The following LITAF variants were observed in gnomAD, a reference collection of about 807,000 sequenced individuals.
LITAF encodes lipopolysaccharide-induced tumor necrosis factor-alpha factor.
In LITAF, 9 loss-of-function variants were observed where a neutral mutation model predicts 14.5. The observed-to-expected ratio is 0.62, with a 90% CI of 0.37 to 1.08. LITAF has a LOEUF of 1.08. LITAF is among the 50% of genes least tolerant of loss of function. The probability of loss-of-function intolerance (pLI) is 0.01; values close to 1 mark genes in which losing one functional copy is unlikely to be tolerated. For synonymous variants in LITAF, 98 were observed against 88.2 expected (o/e 1.11, Z -0.62); for missense variants, 206 against 213.4 (o/e 0.97, Z 0.22).
upstream of LITAF, among the ~76,000 whole-genome samples, chr16:11,636,868 A>C (rs1000295549): frequency 1.4e-5 from 2 of 147,972 alleles, no homozygotes; most frequent in East Asian, 3.9e-4. Context: ...TAAATAATTT[A>C]TTTTTCTTTT....
chr16:11,610,042 T>A (rs1260971394), intron 3 of LITAF, among the ~76,000 whole-genome samples: 1 of 152,092 alleles, frequency 6.6e-6, no homozygotes, highest in Non-Finnish European at 1.5e-5. Flanking sequence ...CCTTCAATCC[T>A]CCCCACCCTA....
At chr16:11,571,695 T>C (rs1394798167) in intron 1 of LITAF, among the ~76,000 whole-genome samples, 3 of 152,130 alleles carry the variant, frequency 2.0e-5, no homozygotes, top group Non-Finnish European at 4.4e-5. Flanking sequence ...AATGTGGCCA[T>C]CTCTAGGTGG....
Position 11,553,163 on chromosome 16 carries a change from A to C in LITAF, c.377+370T>G, listed in dbSNP as rs2064207560. Among the ~76,000 whole-genome samples the C allele has an allele frequency of 6.6e-6, 1 of 151,912 alleles. No individual in the cohort carries two copies. The highest frequency in any genetic ancestry group is 2.4e-5 in the African/African-American group (1 of 41,324). ...GCCAGGCACAGTGGCTCACACCTGT[A>C]ACCCCAGCAGTTTGGGAGGCCAAGG... On this transcript the variant is annotated intron_variant, in intron 3 of 3. Transcript: ENST00000622633. The surrounding 1 kb of genome is among the most constrained non-coding windows in gnomAD (Gnocchi z 7.7).
chr16:11,571,775 C>A (rs1243135094), intron 1 of LITAF, among the ~76,000 whole-genome samples: 2 of 152,174 alleles, frequency 1.3e-5, no homozygotes, highest in Non-Finnish European at 2.9e-5. Context: ...CACGCCCTCT[C>A]GGCTGGCTCT....
chr16:11,595,325 T>C, intron 1 of LITAF, among the ~76,000 whole-genome samples: 1 of 152,328 alleles, frequency 6.6e-6, no homozygotes, highest in Non-Finnish European at 1.5e-5. Flanking sequence ...GGCCTGGCCC[T>C]GACCCTGGCC....
At chr16:11,633,571 C>T (rs1038769490) in exon 3 of LITAF, 1 of 152,160 alleles carries the variant, frequency 6.6e-6, no homozygotes, top group Non-Finnish European at 1.5e-5. Flanking sequence ...TCTGGTCTTC[C>T]TCACTGCTAC....
intron 3 of LITAF, among the ~76,000 whole-genome samples, chr16:11,609,390 T>C (rs1310075185): frequency 6.6e-6 from 1 of 151,890 alleles, no homozygotes; most frequent in Non-Finnish European, 1.5e-5. Flanking sequence ...TTTTTTGTAT[T>C]TTTAGTAGAG....
intron 2 of LITAF, among the ~76,000 whole-genome samples, chr16:11,635,021 G>A (rs180944214): frequency 6.0e-5 from 9 of 151,124 alleles, no homozygotes; most frequent in African/African-American, 1.9e-4. Context: ...GCATCACAGT[G>A]AGACTCCATC....
intron 1 of LITAF, among the ~76,000 whole-genome samples, chr16:11,578,715 C>T (rs982487305): frequency 6.6e-6 from 1 of 152,220 alleles, no homozygotes; most frequent in Non-Finnish European, 1.5e-5. Flanking sequence ...ACTTCACCTC[C>T]GTGGTCTTCT....
Position 11,547,983 on chromosome 16 carries a change from G to T in LITAF, c.*1654C>A, listed in dbSNP as rs1235530243. 4.4e-6 allele frequency: 2 copies of T among 453,954 alleles called. No individual in the cohort carries two copies. Among genetic ancestry groups the T allele is most frequent in the African/African-American group, 4.0e-5 (2 of 49,998 alleles). The allele number at this position is 453,954 out of a possible 1,614,324, so 28.1% of individuals were successfully genotyped here. On this transcript the variant is annotated 3_prime_UTR_variant, in exon 4 of 4. Coordinates refer to ENST00000622633, the MANE Select transcript of LITAF (RefSeq NM_001136472.2). The stretch of plus-strand genomic sequence containing the variant: ...CATGAGCCCTTTCTTCACACCAAAA[G>T]AACTCATAAATAGTTCACCGGGTGA...
chr16:11,553,611 T>C lies in LITAF; in HGVS notation c.299A>G (p.Asn100Ser). The change falls in exon 3 of 4, where the codon AAC becomes AGC. Residue 100 changes from asparagine to serine, a missense_variant. By Grantham distance (46) the Asn-to-Ser change is conservative. Transcript: ENST00000622633. The surrounding 1 kb of genome is among the most constrained non-coding windows in gnomAD (Gnocchi z 7.7). The part of the protein sequence containing the change: ...RPIQMCCPSC[N>S]KMIVSQLSYN... Reference sequence around the variant, plus strand: ...GGACAGCTGACTCACGATCATCTTGTTGCAGGAAGGACAACACATTTGGAT... The same window carrying C: ...GGACAGCTGACTCACGATCATCTTGCTGCAGGAAGGACAACACATTTGGAT... The C allele has an allele frequency of 6.8e-6, 11 of 1,614,074 alleles. No homozygotes were observed. The highest frequency in any genetic ancestry group is 9.3e-6 in the Non-Finnish European group (11 of 1,179,996).
At chr16:11,598,341 C>T (rs1423678383) in intron 1 of LITAF, 14 of 150,174 alleles carry the variant, frequency 9.3e-5, no homozygotes, top group African/African-American at 3.4e-4. Flanking sequence ...CTCTTCTACT[C>T]GGCTTGCAAA....
At chr16:11,567,195 G>C (rs532569244) in intron 1 of LITAF, among the ~76,000 whole-genome samples, 1 of 152,082 alleles carries the variant, frequency 6.6e-6, no homozygotes, top group Non-Finnish European at 1.5e-5. Context: ...CGAGGCAGGC[G>C]GATTACCTGA....
Position 11,608,006 on chromosome 16 carries a change from AC to A in LITAF, c.85+25526del, listed in dbSNP as rs1286755836. Among the ~76,000 whole-genome samples the A allele has an allele frequency of 2.6e-5, 4 of 151,878 alleles. No homozygotes were observed. In the South Asian group the frequency reaches 6.2e-4, roughly 24 times the overall value. Reference sequence around the variant, plus strand: ...GATCATTATGGTTTTACAACAGTAAACCCCCTCAGGCATGAAGCTGGCACTT... The same window carrying A: ...GATCATTATGGTTTTACAACAGTAAACCCCTCAGGCATGAAGCTGGCACTT... On this transcript the variant is annotated intron_variant, in intron 3 of 3. Coordinates refer to the LITAF transcript ENST00000574848.
chr16:11,548,569 A>T lies in LITAF; in HGVS notation c.*1068T>A, dbSNP rs757620431. 2.2e-6 allele frequency: 1 copy of T among 450,278 alleles called. No homozygotes were observed. Among genetic ancestry groups the T allele is most frequent in the South Asian group, 1.6e-5 (1 of 63,350 alleles). 27.9% of individuals were successfully genotyped at this position (450,278 alleles called of 1,614,324 possible). On this transcript the variant is annotated 3_prime_UTR_variant, in exon 4 of 4. Coordinates refer to ENST00000622633, the MANE Select transcript of LITAF (RefSeq NM_001136472.2). The stretch of plus-strand genomic sequence containing the variant: ...TAACCCCAAGTAAAGGCAGTAGATG[A>T]AATTATCCATTTCTTTTTCTTTTTT...
intron 1 of LITAF, among the ~76,000 whole-genome samples, chr16:11,576,551 AAAAAG>A (rs1158088725): frequency 8.1e-6 from 1 of 124,028 alleles, no homozygotes; most frequent in African/African-American, 3.0e-5. Flanking sequence ...AAAAAAAAAA[AAAAAG>A]AGAGAGAGAA....
chr16:11,580,525 G>A (rs1567251244), intron 1 of LITAF, among the ~76,000 whole-genome samples: 1 of 152,054 alleles, frequency 6.6e-6, no homozygotes, highest in African/African-American at 2.4e-5. Context: ...CAAAGTGCTG[G>A]TATTACAGGC....
chr16:11,575,907 G>A (rs1021949298), intron 1 of LITAF, among the ~76,000 whole-genome samples: 7 of 152,036 alleles, frequency 4.6e-5, no homozygotes, highest in Non-Finnish European at 8.8e-5. Context: ...TACAATCGGG[G>A]TCTCGCTGTG....
rs564154163 is a variant in LITAF, at chr16:11,611,872, C to T, written c.85+21661G>A. ...TAGAAACAGGGTTTCACCATGTTGT[C>T]CAGGCTGGTCTCAAACTCCTGACCT... is the stretch of plus-strand genomic sequence containing the variant. On this transcript the variant is annotated intron_variant, in intron 3 of 3. Transcript: ENST00000574848. 8.5e-5 allele frequency among the ~76,000 whole-genome samples: 13 copies of T among 152,202 alleles called. 1 individual carries two copies. In the South Asian group the frequency reaches 2.7e-3, roughly 32 times the overall value.
Sources: gnomAD v4.1 joint callset for allele counts (sites outside exome capture counted in the v4.1 genomes callset) on GRCh38, gnomAD v4.1.1 for gene constraint, Gnocchi (gnomAD v3.1) non-coding constraint, MANE v1.5 for transcripts, NCBI Gene and HGNC (gene_info 2026-07-23, HGNC 2026-07-21) for gene names.